The following TTLL5 variants were observed in gnomAD, a reference collection of about 807,000 sequenced individuals.
TTLL5 encodes tubulin polyglutamylase TTLL5.
A neutral mutation model predicts 168.4 loss-of-function variants in TTLL5; 132 were observed. The ratio of observed to expected loss-of-function variants is 0.78; its 90% CI spans 0.68 to 0.91. The LOEUF is 0.91. Ranked by LOEUF, TTLL5 falls within the 40% of genes least tolerant of loss-of-function variation. TTLL5 has a pLI of 0.00. For missense variants in TTLL5, 1,545 were observed against 1,581.5 expected (o/e 0.98, Z 0.39); for synonymous variants, 546 against 558.6 (o/e 0.98, Z 0.32).
At chr14:75,739,223 C>A (rs1404060699) in intron 15 of TTLL5, among the ~76,000 whole-genome samples, 1 of 152,134 alleles carries the variant, frequency 6.6e-6, no homozygotes, top group Non-Finnish European at 1.5e-5. Context: ...CAAGACCTCT[C>A]TTTAGTAGTA....
Position 75,663,122 on chromosome 14 carries a change from G to A in TTLL5, c.-28G>A. ...GGAAAGGTCTCTGAGGCCCCCGTCT[G>A]CTGACTGCATGACAAACCCTAAAGG... On this transcript the variant is annotated 5_prime_UTR_variant, in exon 2 of 32. Transcript: ENST00000298832. 1 of 1,610,062 alleles carries A rather than the reference G, an allele frequency of 6.2e-7. No homozygotes were observed. The highest frequency in any genetic ancestry group is 8.5e-7 in the Non-Finnish European group (1 of 1,177,596).
intron 31 of TTLL5, among the ~76,000 whole-genome samples, chr14:75,913,892 T>G (rs986661233): frequency 3.3e-5 from 5 of 151,340 alleles, no homozygotes; most frequent in African/African-American, 1.2e-4. Context: ...CACACGTCTT[T>G]AGCACCAGCT....
intron 27 of TTLL5, among the ~76,000 whole-genome samples, chr14:75,809,594 T>G (rs1398223442): frequency 6.6e-6 from 1 of 152,236 alleles, no homozygotes; most frequent in Non-Finnish European, 1.5e-5. Flanking sequence ...AGTCTTCCCT[T>G]GTGACTATTT....
intron 29 of TTLL5, among the ~76,000 whole-genome samples, chr14:75,869,013 A>AGTGTGTGTGTGT (rs3138589): frequency 0.012 from 1,503 of 124,474 alleles, 33 homozygotes; most frequent in African/African-American, 0.032. Context: ...AGAGGGGAGG[A>AGTGTGTGTGTGT]GTGTGTGTGT....
rs1884019481 is a variant in TTLL5 at position 75,674,896 on chromosome 14, C to G, written c.181+5374C>G. Reference sequence around the variant, plus strand: ...AACCCAATATATTCCAGAATATTATCATTTCCACATTTACTCAATATAAAA... The same window carrying G: ...AACCCAATATATTCCAGAATATTATGATTTCCACATTTACTCAATATAAAA... On this transcript the variant is annotated intron_variant, in intron 3 of 31. Coordinates refer to ENST00000298832, the MANE Select transcript of TTLL5 (RefSeq NM_015072.5). Among the ~76,000 whole-genome samples the G allele has an allele frequency of 5.3e-5, 8 of 151,572 alleles. No individual in the cohort carries two copies. The South Asian group carries it at 1.7e-3, about 32-fold the overall frequency.
chr14:75,812,187 G>T (rs1219535562), intron 27 of TTLL5, among the ~76,000 whole-genome samples: 3 of 152,176 alleles, frequency 2.0e-5, no homozygotes, highest in Admixed American at 2.0e-4. Flanking sequence ...GGAACATCTG[G>T]ATAAGCTGCT....
At chr14:75,739,482 C>T (rs1039696841) in intron 15 of TTLL5, among the ~76,000 whole-genome samples, 3 of 152,108 alleles carry the variant, frequency 2.0e-5, no homozygotes, top group Admixed American at 6.6e-5. Flanking sequence ...ATTGTGAATT[C>T]TCTTAGTCCT....
intron 18 of TTLL5, among the ~76,000 whole-genome samples, chr14:75,761,520 G>A (rs60834210): frequency 0.048 from 7,331 of 152,284 alleles, 473 homozygotes; most frequent in East Asian, 0.33. Context: ...AAAATGGGAT[G>A]AATACTGACA....
intron 12 of TTLL5, among the ~76,000 whole-genome samples, chr14:75,728,748 A>G (rs1888347285): frequency 6.6e-6 from 1 of 152,126 alleles, no homozygotes; most frequent in Non-Finnish European, 1.5e-5. Context: ...GAAAACTAGA[A>G]TTGAGAAGGA....
At chr14:75,696,591 T>C (rs993149224) in intron 6 of TTLL5, among the ~76,000 whole-genome samples, 10 of 152,198 alleles carry the variant, frequency 6.6e-5, no homozygotes, top group Admixed American at 1.3e-4. Context: ...TATAAATATG[T>C]CTTCTATAGC....
At chr14:75,936,148 T>G (rs1450777969) in intron 31 of TTLL5, among the ~76,000 whole-genome samples, 2 of 152,224 alleles carry the variant, frequency 1.3e-5, no homozygotes, top group African/African-American at 4.8e-5. Context: ...TTACATAGTT[T>G]TTTTTTTCAC....
At chr14:75,904,135 C>T (rs760928817) in intron 31 of TTLL5, 6 of 1,272,670 alleles carry the variant, frequency 4.7e-6, no homozygotes, top group Non-Finnish European at 5.1e-6. Flanking sequence ...AGGATGTGTT[C>T]TCCACTGAAC....
At chr14:75,695,433 GC>G (rs1885767840) in intron 6 of TTLL5, among the ~76,000 whole-genome samples, 1 of 152,120 alleles carries the variant, frequency 6.6e-6, no homozygotes, top group African/African-American at 2.4e-5. Flanking sequence ...ATCTCACTCT[GC>G]CCCCATTTGC....
Position 75,938,311 on chromosome 14 carries a change from G to A in TTLL5, c.3824-16113G>A, listed in dbSNP as rs138529422. Reference sequence around the variant, plus strand: ...ATACTTGTTAAAACTGTGAGTGGATGCATTCTCCAAGGAAACGAGTTTAAG... The same window carrying A: ...ATACTTGTTAAAACTGTGAGTGGATACATTCTCCAAGGAAACGAGTTTAAG... On this transcript the variant is annotated intron_variant, in intron 31 of 31. Transcript: ENST00000298832. 7.2e-4 allele frequency among the ~76,000 whole-genome samples: 110 copies of A among 152,352 alleles called. 1 individual carries two copies. The East Asian group carries it at 0.021, about 29-fold the overall frequency.
chr14:75,855,432 T>C (rs1232982573), intron 28 of TTLL5, among the ~76,000 whole-genome samples: 2 of 152,140 alleles, frequency 1.3e-5, no homozygotes, highest in Non-Finnish European at 2.9e-5. Context: ...TTTCTGGGTT[T>C]TTGTTTGTTT....
chr14:75,892,566 T>C (rs2032453785), intron 30 of TTLL5, among the ~76,000 whole-genome samples: 1 of 152,196 alleles, frequency 6.6e-6, no homozygotes. Flanking sequence ...GCGACTGGCA[T>C]CTAGTGGGTA....
intron 14 of TTLL5, among the ~76,000 whole-genome samples, chr14:75,734,935 T>A (rs1888789074): frequency 6.6e-6 from 1 of 152,248 alleles, no homozygotes; most frequent in Non-Finnish European, 1.5e-5. Context: ...TCTACATCTC[T>A]TTCTCACTCA....
At chr14:75,809,738 G>C (rs1472366859) in intron 27 of TTLL5, among the ~76,000 whole-genome samples, 2 of 151,746 alleles carry the variant, frequency 1.3e-5, no homozygotes, top group Admixed American at 1.3e-4. Flanking sequence ...TCCCTTCTCA[G>C]CTCTGGTAAC....
intron 15 of TTLL5, among the ~76,000 whole-genome samples, chr14:75,743,073 T>C (rs1320329377): frequency 6.6e-6 from 1 of 152,232 alleles, no homozygotes; most frequent in Admixed American, 6.5e-5. Flanking sequence ...TCAACCAATA[T>C]TTCTTGATTG....
Sources: allele counts gnomAD v4.1 joint callset (sites outside exome capture counted in the v4.1 genomes callset), GRCh38; gene constraint gnomAD v4.1.1; transcripts MANE v1.5; gene names NCBI Gene and HGNC (gene_info 2026-07-23, HGNC 2026-07-21).